The following MRTFA variants were observed in gnomAD, a reference collection of about 807,000 sequenced individuals.
MRTFA encodes the protein myocardin-related transcription factor A.
In MRTFA, 20 loss-of-function variants were observed where a neutral mutation model predicts 83.5. That is an observed-to-expected ratio of 0.24 (90% CI 0.17 to 0.35). The LOEUF (loss-of-function observed/expected upper bound fraction) is 0.35, where lower values mean the gene tolerates loss of function less well. Among genes scored for constraint, MRTFA ranks in the 10% least tolerant of loss-of-function variants. MRTFA has a pLI of 1.00. For missense variants in MRTFA, 1,200 were observed against 1,224.7 expected (o/e 0.98, Z 0.30); for synonymous variants, 659 against 541.2 (o/e 1.22, Z -3.02).
chr22:40,576,337 T>A (rs150696821), intron 2 of MRTFA, among the ~76,000 whole-genome samples: 2 of 152,282 alleles, frequency 1.3e-5, no homozygotes, highest in East Asian at 3.9e-4. Context: ...AGCCTAAAGA[T>A]GTAATTATTT....
chr22:40,471,658 G>A (rs933561443), intron 3 of MRTFA, among the ~76,000 whole-genome samples: 2 of 152,126 alleles, frequency 1.3e-5, no homozygotes, highest in Non-Finnish European at 2.9e-5. Flanking sequence ...CCAGGTAGGC[G>A]GATTGCTTGA....
chr22:40,563,971 T>TA (rs2147333550), intron 2 of MRTFA, among the ~76,000 whole-genome samples: 1 of 152,306 alleles, frequency 6.6e-6, no homozygotes, highest in South Asian at 2.1e-4. Context: ...AATGTGTTGA[T>TA]ATCCTGAATT....
intron 4 of MRTFA, among the ~76,000 whole-genome samples, chr22:40,458,210 C>T (rs1440692184): frequency 6.6e-6 from 1 of 152,160 alleles, no homozygotes; most frequent in Admixed American, 6.6e-5. Context: ...AGGGCCTAGA[C>T]CATACAAGCC....
chr22:40,632,756 G>C (rs1015875729), intron 1 of MRTFA, among the ~76,000 whole-genome samples: 6 of 152,102 alleles, frequency 3.9e-5, no homozygotes, highest in Middle Eastern at 6.3e-3. Context: ...TTTTTTGAGA[G>C]ACCTGAGTTT....
chr22:40,439,695 G>A (rs1454960911), intron 4 of MRTFA, among the ~76,000 whole-genome samples: 3 of 152,102 alleles, frequency 2.0e-5, no homozygotes, highest in Non-Finnish European at 4.4e-5. Context: ...GAGGGGTTCA[G>A]AGACCTGTCT....
Position 40,411,507 on chromosome 22 carries a change from C to G in MRTFA, c.2979G>C (p.Leu993=), listed in dbSNP as rs757900338. 6.2e-7 allele frequency: 1 copy of G among 1,611,482 alleles called. No individual in the cohort carries two copies. Among genetic ancestry groups the G allele is most frequent in the East Asian group, 2.2e-5 (1 of 44,772 alleles). Residue 993 remains leucine (L), a synonymous_variant, in exon 15 of 15, where the codon CTG becomes CTC. Coordinates refer to ENST00000355630, the MANE Select transcript of MRTFA (RefSeq NM_020831.6). ...GGCTCAGCACGGGACCACCTGACGACAGCTCCAGCCAGTCCATGCTGTCCA... is the reference window on the plus strand; with the variant it reads ...GGCTCAGCACGGGACCACCTGACGAGAGCTCCAGCCAGTCCATGCTGTCCA...
chr22:40,522,357 C>T (rs949297837), intron 3 of MRTFA: 7 of 152,226 alleles, frequency 4.6e-5, no homozygotes, highest in East Asian at 1.9e-4. Context: ...GGGCAGCAAG[C>T]TCCACCAGTT....
rs770119819 is a variant in MRTFA at position 40,463,293 on chromosome 22, G to A, written c.242-7C>T. 6.2e-7 allele frequency: 1 copy of A among 1,613,430 alleles called. No homozygotes were observed. Among genetic ancestry groups the A allele is most frequent in the East Asian group, 2.2e-5 (1 of 44,880 alleles). On this transcript the variant is annotated splice_polypyrimidine_tract_variant and splice_region_variant and intron_variant, in intron 3 of 14. Coordinates refer to ENST00000355630, the MANE Select transcript of MRTFA (RefSeq NM_020831.6). ...TGGAGTTTCAACTGTAGCACTGCAG[G>A]GCAGCAGAGAGAGAGGAGAGATGAG...
At chr22:40,622,586 G>A (rs1024661469) in intron 1 of MRTFA, among the ~76,000 whole-genome samples, 2 of 152,132 alleles carry the variant, frequency 1.3e-5, no homozygotes, top group Non-Finnish European at 2.9e-5. Flanking sequence ...AGAAAGAGAT[G>A]TGCAGAGAGA....
chr22:40,415,702 C>T (rs905296485), intron 14 of MRTFA, among the ~76,000 whole-genome samples: 2 of 152,102 alleles, frequency 1.3e-5, no homozygotes, highest in African/African-American at 2.4e-5. Flanking sequence ...TCCTGCCCAG[C>T]ATCTGCCCTA....
At chr22:40,453,602 C>T (rs1205458428) in intron 4 of MRTFA, among the ~76,000 whole-genome samples, 1 of 152,156 alleles carries the variant, frequency 6.6e-6, no homozygotes, top group Non-Finnish European at 1.5e-5. Flanking sequence ...AGGATTTGCC[C>T]TTGCCTTAGT....
chr22:40,577,965 T>C (rs778152839), intron 2 of MRTFA, among the ~76,000 whole-genome samples: 9 of 151,620 alleles, frequency 5.9e-5, no homozygotes, highest in Non-Finnish European at 1.0e-4. Flanking sequence ...TGATCTTTTT[T>C]TCCCCCGAGA....
At chr22:40,541,013 G>A (rs989386226) in intron 3 of MRTFA, among the ~76,000 whole-genome samples, 1 of 152,076 alleles carries the variant, frequency 6.6e-6, no homozygotes, top group Admixed American at 6.6e-5. Flanking sequence ...AACACATACT[G>A]AAGGTGTTAT....
At chr22:40,528,187 T>C (rs144678122) in intron 3 of MRTFA, among the ~76,000 whole-genome samples, 3 of 152,248 alleles carry the variant, frequency 2.0e-5, no homozygotes, top group African/African-American at 7.2e-5. Flanking sequence ...TGACTCCACT[T>C]CCCAGCGGGT....
chr22:40,415,600 C>T (rs2052661559), intron 14 of MRTFA, among the ~76,000 whole-genome samples: 1 of 152,084 alleles, frequency 6.6e-6, no homozygotes, highest in African/African-American at 2.4e-5. Context: ...TTCTTGCCTG[C>T]TGCCGCCAGT....
chr22:40,546,362 G>A (rs1196772775), intron 3 of MRTFA, among the ~76,000 whole-genome samples: 1 of 152,224 alleles, frequency 6.6e-6, no homozygotes, highest in Non-Finnish European at 1.5e-5. Flanking sequence ...CAAAAGCTCT[G>A]AATGGCAAAG....
chr22:40,411,673 G>A lies in MRTFA; in HGVS notation c.2813C>T (p.Ser938Phe). Residue 938 changes from serine to phenylalanine, a missense_variant, in exon 15 of 15, where the codon TCC becomes TTC. Ser to Phe is a radical substitution (Grantham distance 155). Around this residue, in one of 2 missense-constraint regions of MRTFA, gnomAD observed 1,107 missense variants for 1,041.8 expected, o/e 1.06. Coordinates refer to ENST00000355630, the MANE Select transcript of MRTFA (RefSeq NM_020831.6). ...CTGGCTATGGAGGTCGTCAATGAGG[G>A]AAAGGGGCTCTGGCCCGTCATGCCC... 3 of 1,608,814 alleles carry A rather than the reference G, an allele frequency of 1.9e-6. No homozygotes were observed. Among genetic ancestry groups the A allele is most frequent in the Non-Finnish European group, 2.5e-6 (3 of 1,177,032 alleles).
intron 3 of MRTFA, among the ~76,000 whole-genome samples, chr22:40,537,820 G>GA (rs2147288262): frequency 4.0e-5 from 1 of 24,756 alleles, no homozygotes; most frequent in Non-Finnish European, 8.1e-5. Context: ...GGGAGGTGGG[G>GA]GGGTCAGCCC....
intron 3 of MRTFA, among the ~76,000 whole-genome samples, chr22:40,515,523 T>C (rs2054743439): frequency 6.6e-6 from 1 of 151,786 alleles, no homozygotes. Context: ...CAAAACCCCA[T>C]CTCTACTAAA....
Sources: allele counts gnomAD v4.1 joint callset (sites outside exome capture counted in the v4.1 genomes callset), GRCh38; gene constraint gnomAD v4.1.1; regional missense constraint gnomAD v4.1.1; transcripts MANE v1.5; gene names NCBI Gene and HGNC (gene_info 2026-07-23, HGNC 2026-07-21).